CAMK2D: variants seen among roughly 807,000 people sequenced by gnomAD.
The protein encoded by CAMK2D is calcium/calmodulin dependent protein kinase II delta, also known as calcium/calmodulin-dependent protein kinase type II subunit delta.
A neutral mutation model predicts 84.0 loss-of-function variants in CAMK2D; 37 were observed. The observed-to-expected ratio is 0.44, with a 90% CI of 0.34 to 0.58. The LOEUF is 0.58. CAMK2D is among the 20% of genes least tolerant of loss of function. The pLI is 0.02. For synonymous variants in CAMK2D, 202 were observed against 212.5 expected (o/e 0.95, Z 0.43); for missense variants, 448 against 652.5 (o/e 0.69, Z 3.41).
intron 16 of CAMK2D, among the ~76,000 whole-genome samples, chr4:113,484,620 T>C (rs2097746675): frequency 6.6e-6 from 1 of 152,178 alleles, no homozygotes; most frequent in African/African-American, 2.4e-5. Context: ...AAGACACCAA[T>C]TGGTTCTATT....
At position 113,471,019 on chromosome 4, in the gene CAMK2D, T is replaced by A. The variant is rs2097541025; in HGVS notation, c.1136-5415A>T. Among the ~76,000 whole-genome samples the A allele has an allele frequency of 1.3e-5, 2 of 152,208 alleles. 1 individual carries two copies. The highest frequency in any genetic ancestry group is 4.1e-4 in the South Asian group (2 of 4,834). On this transcript the variant is annotated intron_variant, in intron 16 of 20. Transcript: ENST00000511664. Reference sequence around the variant, plus strand: ...GAAATATAAAATTGACAAATGGAAATAATTTAAGTATAAAGTAGTATGTCT... The same window carrying A: ...GAAATATAAAATTGACAAATGGAAAAAATTTAAGTATAAAGTAGTATGTCT...
intron 3 of CAMK2D, among the ~76,000 whole-genome samples, chr4:113,618,814 G>A (rs1455357856): frequency 2.0e-5 from 3 of 152,120 alleles, no homozygotes; most frequent in Non-Finnish European, 4.4e-5. Context: ...GATGCCATGG[G>A]AATAATGAAG....
intron 4 of CAMK2D, among the ~76,000 whole-genome samples, chr4:113,573,389 T>C (rs1342252138): frequency 6.6e-6 from 1 of 152,248 alleles, no homozygotes; most frequent in African/African-American, 2.4e-5. Context: ...CTGAGCATTT[T>C]AGTACTGATG....
At chr4:113,459,946 A>G (rs2097352934) in intron 18 of CAMK2D, among the ~76,000 whole-genome samples, 1 of 152,064 alleles carries the variant, frequency 6.6e-6, no homozygotes, top group African/African-American at 2.4e-5. Flanking sequence ...TTTTACAAAG[A>G]TATTTTTTAA....
At chr4:113,757,732 GGT>G (rs1367346010) in intron 2 of CAMK2D, among the ~76,000 whole-genome samples, 2 of 152,092 alleles carry the variant, frequency 1.3e-5, no homozygotes, top group Non-Finnish European at 2.9e-5. Flanking sequence ...AGGAAACACT[GGT>G]GGAGTAGCAA....
chr4:113,709,922 G>A (rs1382330363), intron 2 of CAMK2D, among the ~76,000 whole-genome samples: 1 of 150,168 alleles, frequency 6.7e-6, no homozygotes, highest in Non-Finnish European at 1.5e-5. Context: ...GGGGGTGGTG[G>A]GACTGGCAAA....
chr4:113,744,106 C>T (rs1477547398), intron 2 of CAMK2D, among the ~76,000 whole-genome samples: 3 of 152,312 alleles, frequency 2.0e-5, no homozygotes, highest in Non-Finnish European at 2.9e-5. Flanking sequence ...TCCCAAAGTG[C>T]TGGGATTACA....
intron 12 of CAMK2D, among the ~76,000 whole-genome samples, chr4:113,510,715 G>A (rs535092494): frequency 3.3e-5 from 5 of 152,096 alleles, no homozygotes; most frequent in African/African-American, 9.6e-5. Context: ...ATTTGGCTTC[G>A]AAAGTGGAAA....
intron 2 of CAMK2D, among the ~76,000 whole-genome samples, chr4:113,693,041 G>A (rs1223047836): frequency 1.3e-5 from 2 of 152,056 alleles, no homozygotes; most frequent in Non-Finnish European, 2.9e-5. Context: ...CTGACCTACA[G>A]GAGATGTAAA....
chr4:113,477,140 A>T (rs2097638232), intron 16 of CAMK2D, among the ~76,000 whole-genome samples: 1 of 152,170 alleles, frequency 6.6e-6, no homozygotes, highest in Non-Finnish European at 1.5e-5. Context: ...TCTGTACAGC[A>T]GATGAGAAGA....
At chr4:113,483,084 G>A (rs1194182926) in intron 16 of CAMK2D, among the ~76,000 whole-genome samples, 3 of 152,132 alleles carry the variant, frequency 2.0e-5, no homozygotes, top group Non-Finnish European at 4.4e-5. Flanking sequence ...CATGTACTCT[G>A]GAAGAAACTT....
intron 3 of CAMK2D, among the ~76,000 whole-genome samples, chr4:113,617,730 G>C (rs1421563718): frequency 6.6e-6 from 1 of 151,866 alleles, no homozygotes; most frequent in Non-Finnish European, 1.5e-5. Context: ...TTGAATGCCT[G>C]GTTCAAGCAA....
chr4:113,490,134 C>A (rs879486563), intron 16 of CAMK2D, among the ~76,000 whole-genome samples: 2,345 of 146,896 alleles, frequency 0.016, 32 homozygotes, highest in Middle Eastern at 0.033. Flanking sequence ...TGTGCAGAAG[C>A]TCTTTAGTTT....
intron 4 of CAMK2D, among the ~76,000 whole-genome samples, chr4:113,559,882 T>G (rs775509705): frequency 5.3e-5 from 8 of 152,222 alleles, no homozygotes; most frequent in Non-Finnish European, 8.8e-5. Flanking sequence ...TCATCAATAC[T>G]TCAGAAATAA....
At chr4:113,672,253 C>T (rs922399463) in intron 2 of CAMK2D, among the ~76,000 whole-genome samples, 8 of 152,062 alleles carry the variant, frequency 5.3e-5, no homozygotes, top group Admixed American at 5.2e-4. Flanking sequence ...AAAATGATCA[C>T]TAAGTTGAAA....
chr4:113,500,777 A>C (rs1249937189), intron 15 of CAMK2D, among the ~76,000 whole-genome samples: 1 of 152,124 alleles, frequency 6.6e-6, no homozygotes, highest in Non-Finnish European at 1.5e-5. Flanking sequence ...GGAAGTATGC[A>C]GTTTATTTTA....
At chr4:113,613,990 G>C (rs1299598772) in intron 3 of CAMK2D, among the ~76,000 whole-genome samples, 1 of 152,088 alleles carries the variant, frequency 6.6e-6, no homozygotes, top group Non-Finnish European at 1.5e-5. Flanking sequence ...TGTGTCAACA[G>C]TGATTAGGTA....
chr4:113,529,603 T>C (rs2098444820), intron 8 of CAMK2D, among the ~76,000 whole-genome samples: 2 of 152,298 alleles, frequency 1.3e-5, no homozygotes, highest in East Asian at 3.9e-4. Flanking sequence ...CAGTCTTTCC[T>C]GTATTCAAAA....
Position 113,517,545 on chromosome 4 carries a change from T to C in CAMK2D, c.696+18A>G, listed in dbSNP as rs2098300510. The C allele has an allele frequency of 1.6e-6, 2 of 1,224,118 alleles. No homozygotes were observed. The highest frequency in any genetic ancestry group is 2.4e-6 in the Non-Finnish European group (2 of 840,592). The allele number at this position is 1,224,118 out of a possible 1,614,324, so 75.8% of individuals were successfully genotyped here. A position where few individuals can be genotyped will look rare whatever the true frequency, so the allele number is the denominator to read the frequency against. On this transcript the variant is annotated intron_variant, in intron 9 of 20. Transcript: ENST00000511664. ...AGACAAACCTTCATCTAAAGTGATA[T>C]AAATAGTTATTACATACATCATAAG... is the stretch of plus-strand genomic sequence containing the variant.
Sources: allele counts gnomAD v4.1 joint callset (sites outside exome capture counted in the v4.1 genomes callset), GRCh38; gene constraint gnomAD v4.1.1; transcripts MANE v1.5; gene names NCBI Gene and HGNC (gene_info 2026-07-23, HGNC 2026-07-21).